The following DZIP1 variants were observed in gnomAD, a reference collection of about 807,000 sequenced individuals.
DZIP1 encodes cilium assembly protein DZIP1.
In DZIP1, 97 loss-of-function variants were observed where a neutral mutation model predicts 107.6. That is an observed-to-expected ratio of 0.90 (90% CI 0.77 to 1.07). DZIP1 has a LOEUF of 1.07. DZIP1 is among the 50% of genes least tolerant of loss of function. The pLI, the probability that DZIP1 is intolerant of heterozygous loss-of-function variation, is 0.00. For missense variants in DZIP1, 1,035 were observed against 1,063.6 expected, an observed-to-expected ratio of 0.97 and a Z score of 0.37; for synonymous variants, 390 against 386.4, an observed-to-expected ratio of 1.01 and a Z score of -0.11.
At chr13:95,631,939 T>C (rs1184172813) in intron 6 of DZIP1, among the ~76,000 whole-genome samples, 2 of 152,220 alleles carry the variant, frequency 1.3e-5, no homozygotes, top group Non-Finnish European at 2.9e-5. Context: ...AGCCGTCCAT[T>C]GTCAGTCTTC....
At chr13:95,588,542 C>T (rs996645018) in intron 19 of DZIP1, among the ~76,000 whole-genome samples, 2 of 152,230 alleles carry the variant, frequency 1.3e-5, no homozygotes, top group Non-Finnish European at 2.9e-5. Flanking sequence ...CCTCTTCATA[C>T]ATTCCCATTT....
intron 5 of DZIP1, among the ~76,000 whole-genome samples, chr13:95,638,785 A>G (rs1405065988): frequency 6.6e-6 from 1 of 152,166 alleles, no homozygotes; most frequent in Non-Finnish European, 1.5e-5. Context: ...CTCAGTTCTT[A>G]TGATTTCTTA....
chr13:95,590,518 G>T, intron 16 of DZIP1, 77 bp from the exon 17 acceptor site: 1 of 1,419,836 alleles, frequency 7.0e-7, no homozygotes, highest in Non-Finnish European at 9.5e-7. Context: ...CATTAACTGT[G>T]CCAACATTTC....
chr13:95,593,163 T>C (rs984802869), intron 16 of DZIP1, among the ~76,000 whole-genome samples: 1 of 152,194 alleles, frequency 6.6e-6, no homozygotes, highest in Non-Finnish European at 1.5e-5. Context: ...CAATCATCTA[T>C]ATACATACAT....
intron 6 of DZIP1, chr13:95,630,729 T>A (rs1017023232): frequency 7.9e-7 from 1 of 1,272,526 alleles, no homozygotes; most frequent in African/African-American, 1.5e-5. Flanking sequence ...GATGTACACA[T>A]GACTGAATGG....
chr13:95,624,383 G>A (rs907837837), intron 8 of DZIP1, among the ~76,000 whole-genome samples: 1 of 152,316 alleles, frequency 6.6e-6, no homozygotes, highest in Admixed American at 6.5e-5. Context: ...CTGGGTTGAG[G>A]AGGGAGCCTG....
intron 10 of DZIP1, among the ~76,000 whole-genome samples, chr13:95,615,062 T>C (rs1054215423): frequency 1.3e-5 from 2 of 151,954 alleles, no homozygotes; most frequent in African/African-American, 4.8e-5. Context: ...TCTAAACAAG[T>C]CAAACCAACA....
At chr13:95,626,638 A>T (rs1033088386) in intron 7 of DZIP1, among the ~76,000 whole-genome samples, 15 of 152,236 alleles carry the variant, frequency 9.9e-5, no homozygotes, top group Admixed American at 7.8e-4. Context: ...TAGAATCCAT[A>T]AGAAACGACT....
chr13:95,614,125 CAAAA>C (rs11327779), intron 10 of DZIP1, among the ~76,000 whole-genome samples: 6 of 73,406 alleles, frequency 8.2e-5, no homozygotes, highest in Non-Finnish European at 5.6e-5. Context: ...GACCCTGTCT[CAAAA>C]AAAAAAAAAA....
At chr13:95,625,712 G>T (rs1876452786) in intron 7 of DZIP1, among the ~76,000 whole-genome samples, 1 of 152,106 alleles carries the variant, frequency 6.6e-6, no homozygotes, top group African/African-American at 2.4e-5. Flanking sequence ...AAACTCACTA[G>T]GGAAATTGGA....
At position 95,587,881 on chromosome 13, in the gene DZIP1, G is replaced by A. The variant is rs2044206148; in HGVS notation, c.2028-152C>T. The A allele has an allele frequency of 3.9e-5, 35 of 905,858 alleles. No homozygotes were observed. In the East Asian group the frequency reaches 9.1e-4, roughly 23 times the overall value. 56.1% of individuals were successfully genotyped at this position (905,858 alleles called of 1,614,324 possible). On this transcript the variant is annotated intron_variant, in intron 19 of 22. Coordinates refer to ENST00000376829, the MANE Select transcript of DZIP1 (RefSeq NM_198968.4). ...TTGGGGCTATGGCCAAGATGGCGGC[G>A]AGGCCAGAGGTTATACCCACGGCTG...
At chr13:95,640,463 G>A (rs1878364201) in intron 5 of DZIP1, among the ~76,000 whole-genome samples, 1 of 152,124 alleles carries the variant, frequency 6.6e-6, no homozygotes, top group African/African-American at 2.4e-5. Context: ...TCAGCCGAAA[G>A]GACTAGAAAG....
At chr13:95,608,999 T>TCA (rs1196258964) in intron 13 of DZIP1, among the ~76,000 whole-genome samples, 3 of 152,248 alleles carry the variant, frequency 2.0e-5, no homozygotes, top group Admixed American at 6.5e-5. Context: ...CCTTTTGTTT[T>TCA]ACTGCAGAAT....
chr13:95,628,165 C>G (rs113921432), intron 7 of DZIP1, among the ~76,000 whole-genome samples: 7,724 of 152,114 alleles, frequency 0.051, 273 homozygotes, highest in Middle Eastern at 0.11. Flanking sequence ...TCCTCAGCCT[C>G]CTGAGTAGCT....
intron 8 of DZIP1, among the ~76,000 whole-genome samples, chr13:95,623,183 G>A (rs761883487): frequency 2.6e-5 from 4 of 152,100 alleles, no homozygotes; most frequent in East Asian, 1.9e-4. Context: ...GGGACATAAC[G>A]TTTTTAATTT....
rs375001105 is a variant in DZIP1 at position 95,611,025 on chromosome 13, G to T, written c.1363+420C>A. ...GAGAAAATAGACTGAAACACTATTCGTATTCCTGCTATAAAGCTGAGGAAA... is the reference window on the plus strand; with the variant it reads ...GAGAAAATAGACTGAAACACTATTCTTATTCCTGCTATAAAGCTGAGGAAA... On this transcript the variant is annotated intron_variant, in intron 12 of 22. Transcript: ENST00000376829. Among the ~76,000 whole-genome samples the T allele has an allele frequency of 1.9e-4, 29 of 152,280 alleles. No individual in the cohort carries two copies. In the East Asian group the frequency reaches 5.6e-3, roughly 29 times the overall value.
rs145633695 is a variant in DZIP1, at chr13:95,594,010, A to G, written c.1614T>C (p.Thr538=). ...GCTCCACCATTGTTCTTAGTCCCTT[A>G]GTGAGGGAGGAGTTACTCTTCAAAG... ...RKALKSNSSL[T]KGLRTMVEQN... Residue 538 remains threonine (T), a synonymous_variant, in exon 16 of 23, where the codon ACT becomes ACC. Transcript: ENST00000376829. 442 of 1,612,408 alleles carry G rather than the reference A, an allele frequency of 2.7e-4. 2 individuals carry two copies. Among genetic ancestry groups the G allele is most frequent in the Non-Finnish European group, 5.6e-5 (66 of 1,179,408 alleles).
chr13:95,582,799 G>C (rs1202239259), intron 22 of DZIP1, among the ~76,000 whole-genome samples: 1 of 152,198 alleles, frequency 6.6e-6, no homozygotes, highest in African/African-American at 2.4e-5. Context: ...GTGAAATAGA[G>C]TGCAGAGAAT....
chr13:95,609,499 A>G lies in DZIP1; in HGVS notation c.1378T>C (p.Trp460Arg), dbSNP rs1270495848. ...GCTGGCTGAGATTCAAAAGCCTGCC[A>G]GGCTAAAGGATTTCCTGAAATGACA... is the stretch of plus-strand genomic sequence containing the variant. ...ISEPKGNPLA[W>R]QAFESQPAAP... is the part of the protein sequence containing the mutation. Residue 460 changes from tryptophan to arginine, a missense_variant, in exon 13 of 23, where the codon TGG becomes CGG. Physicochemically the swap from Trp to Arg is moderately radical, Grantham distance 101 (BLOSUM62 -3). Transcript: ENST00000376829. 6.3e-6 allele frequency: 10 copies of G among 1,586,896 alleles called. No homozygotes were observed. The highest frequency in any genetic ancestry group is 1.4e-5 in the African/African-American group (1 of 73,794).
Sources: allele counts gnomAD v4.1 joint callset (sites outside exome capture counted in the v4.1 genomes callset), GRCh38; gene constraint gnomAD v4.1.1; transcripts MANE v1.5; gene names NCBI Gene and HGNC (gene_info 2026-07-23, HGNC 2026-07-21).